DCC: variants seen among roughly 807,000 people sequenced by gnomAD.
DCC encodes the protein netrin receptor DCC.
In DCC, 58 loss-of-function variants were observed where a neutral mutation model predicts 172.5. The ratio of observed to expected loss-of-function variants is 0.34; its 90% CI spans 0.27 to 0.42. The LOEUF (loss-of-function observed/expected upper bound fraction) is 0.42, where lower values mean the gene tolerates loss of function less well. Ranked by LOEUF, DCC falls within the 10% of genes least tolerant of loss-of-function variation. The pLI is 1.00. For missense variants in DCC, 1,740 were observed against 1,791.0 expected, an observed-to-expected ratio of 0.97 and a Z score of 0.51; for synonymous variants, 709 against 644.5, an observed-to-expected ratio of 1.10 and a Z score of -1.52.
intron 12 of DCC, among the ~76,000 whole-genome samples, chr18:53,300,426 G>T (rs1340735800): frequency 6.6e-6 from 1 of 152,022 alleles, no homozygotes; most frequent in African/African-American, 2.4e-5. Flanking sequence ...CTGTGCTTTT[G>T]GTTGGTGATT....
intron 27 of DCC, among the ~76,000 whole-genome samples, chr18:53,506,702 C>CAAAAAATTAGCCGGGCATGGTGT (rs2046181562): frequency 6.6e-6 from 1 of 151,820 alleles, no homozygotes. Context: ...TACTAAAATA[C>CAAAAAATTAGCCGGGCATGGTGT]AAAAAATTAG....
At chr18:52,937,023 G>C (rs1049276123) in intron 5 of DCC, among the ~76,000 whole-genome samples, 2 of 152,158 alleles carry the variant, frequency 1.3e-5, no homozygotes, top group African/African-American at 4.8e-5. Context: ...GTGTATTTGA[G>C]CAGGGAATCA....
At chr18:52,755,632 A>G (rs1474811848) in intron 2 of DCC, among the ~76,000 whole-genome samples, 3 of 152,216 alleles carry the variant, frequency 2.0e-5, no homozygotes, top group African/African-American at 7.2e-5. Context: ...AATAAAGACC[A>G]TGGACCTGAT....
rs900436082 is a variant in DCC, at chr18:52,447,404, G to A, written c.91+106526G>A. On this transcript the variant is annotated intron_variant, in intron 1 of 28. Coordinates refer to ENST00000442544, the MANE Select transcript of DCC (RefSeq NM_005215.4). ...AAATAAAGGTCAGCATGTGTTAAGT[G>A]CCCACAGTGCAGTGGCAGATGACAG... Among the ~76,000 whole-genome samples, 8 of 152,274 alleles carry A rather than the reference G, an allele frequency of 5.3e-5. No homozygotes were observed. In the East Asian group the frequency reaches 7.7e-4, roughly 15 times the overall value.
chr18:53,101,221 C>T (rs957806856), intron 7 of DCC, among the ~76,000 whole-genome samples: 3 of 152,048 alleles, frequency 2.0e-5, no homozygotes, highest in African/African-American at 7.2e-5. Context: ...GGATGGATGG[C>T]GTGTCTGTCC....
intron 1 of DCC, among the ~76,000 whole-genome samples, chr18:52,371,811 T>C (rs1385059858): frequency 6.6e-6 from 1 of 152,248 alleles, no homozygotes; most frequent in Non-Finnish European, 1.5e-5. Context: ...TTTCAGGACC[T>C]AAGGAAGAAT....
intron 1 of DCC, among the ~76,000 whole-genome samples, chr18:52,741,739 C>G (rs2145114781): frequency 6.6e-6 from 1 of 152,256 alleles, no homozygotes; most frequent in East Asian, 1.9e-4. Flanking sequence ...CTGGAACTCT[C>G]TCATTCACTC....
At chr18:52,578,359 A>G (rs910047390) in intron 1 of DCC, among the ~76,000 whole-genome samples, 1 of 152,234 alleles carries the variant, frequency 6.6e-6, no homozygotes, top group African/African-American at 2.4e-5. Flanking sequence ...GCCCACATGT[A>G]TCACTGAGCA....
chr18:52,776,395 AAAAG>A (rs1029211012), intron 2 of DCC, among the ~76,000 whole-genome samples: 2 of 152,132 alleles, frequency 1.3e-5, no homozygotes, highest in African/African-American at 4.8e-5. Context: ...TAGAAATTTT[AAAAG>A]AAAAAGAAGG....
At chr18:52,384,922 G>A (rs1300687211) in intron 1 of DCC, among the ~76,000 whole-genome samples, 1 of 152,126 alleles carries the variant, frequency 6.6e-6, no homozygotes. Flanking sequence ...ATAAGCCAGT[G>A]TTTATAAAAA....
intron 2 of DCC, among the ~76,000 whole-genome samples, chr18:52,830,846 A>G (rs544252653): frequency 6.6e-6 from 1 of 152,288 alleles, no homozygotes; most frequent in African/African-American, 2.4e-5. Context: ...ATTACTTGGA[A>G]TAAATCAGTG....
chr18:53,518,199 C>G (rs1385018438), intron 27 of DCC, among the ~76,000 whole-genome samples: 1 of 152,008 alleles, frequency 6.6e-6, no homozygotes, highest in African/African-American at 2.4e-5. Context: ...GGATCAGAGA[C>G]AAAGCAGAGA....
chr18:53,285,035 C>A (rs1033315345), intron 12 of DCC, among the ~76,000 whole-genome samples: 3 of 152,150 alleles, frequency 2.0e-5, no homozygotes, highest in African/African-American at 4.8e-5. Flanking sequence ...AACTTGGCTG[C>A]TCTCAAAGGC....
intron 1 of DCC, among the ~76,000 whole-genome samples, chr18:52,700,168 G>GCA (rs1038698612): frequency 2.1e-5 from 3 of 143,844 alleles, no homozygotes; most frequent in South Asian, 2.3e-4. Context: ...ACATGCACAC[G>GCA]CACACACACA....
At chr18:52,869,783 C>G (rs2039288034) in intron 2 of DCC, among the ~76,000 whole-genome samples, 1 of 152,192 alleles carries the variant, frequency 6.6e-6, no homozygotes, top group South Asian at 2.1e-4. Flanking sequence ...CTGTGACAGC[C>G]CGGGCTTGGC....
chr18:52,846,610 C>CACACAA (rs2038895919), intron 2 of DCC, among the ~76,000 whole-genome samples: 1 of 95,270 alleles, frequency 1.0e-5, no homozygotes, highest in Non-Finnish European at 2.2e-5. Flanking sequence ...CCACTCCAAA[C>CACACAA]ACACACACAC....
chr18:52,391,756 C>G (rs1045206599), intron 1 of DCC, among the ~76,000 whole-genome samples: 1 of 152,090 alleles, frequency 6.6e-6, no homozygotes, highest in Non-Finnish European at 1.5e-5. Context: ...TATAATCAAG[C>G]AACTCTATTC....
At chr18:53,275,143 G>C (rs906669358) in intron 12 of DCC, among the ~76,000 whole-genome samples, 7 of 152,128 alleles carry the variant, frequency 4.6e-5, no homozygotes, top group African/African-American at 1.4e-4. Flanking sequence ...CTATGCAGAA[G>C]AGTGGAATTC....
At chr18:53,510,588 C>G (rs2046239035) in intron 27 of DCC, among the ~76,000 whole-genome samples, 1 of 152,166 alleles carries the variant, frequency 6.6e-6, no homozygotes, top group Admixed American at 6.5e-5. Context: ...TATTTGAAGA[C>G]AGTTTTCATC....
Sources: gnomAD v4.1 joint callset for allele counts (sites outside exome capture counted in the v4.1 genomes callset) on GRCh38, gnomAD v4.1.1 for gene constraint, MANE v1.5 for transcripts, NCBI Gene and HGNC (gene_info 2026-07-23, HGNC 2026-07-21) for gene names.